The following LAMA2 variants were observed in gnomAD, a reference collection of about 807,000 sequenced individuals.
The protein encoded by LAMA2 is laminin subunit alpha 2.
A neutral mutation model predicts 364.8 loss-of-function variants in LAMA2; 269 were observed. The observed-to-expected ratio is 0.74, with a 90% CI of 0.67 to 0.82. The LOEUF (loss-of-function observed/expected upper bound fraction) is 0.82. LAMA2 is among the 40% of genes least tolerant of loss of function. The pLI is 0.00. For synonymous variants in LAMA2, 1,379 were observed against 1,370.6 expected (o/e 1.01, Z -0.14); for missense variants, 3,807 against 3,873.2 (o/e 0.98, Z 0.45).
At position 129,082,028 on chromosome 6, in the gene LAMA2, T is replaced by C. The variant is rs987982760; in HGVS notation, c.397-16145T>C. Among the ~76,000 whole-genome samples, 3 of 152,118 alleles carry C rather than the reference T, an allele frequency of 2.0e-5. No individual in the cohort carries two copies. The East Asian group carries it at 5.8e-4, about 29-fold the overall frequency. The stretch of plus-strand genomic sequence containing the variant: ...CAATCAAAATATTCCTAAAAACATA[T>C]TGAGAACTTTAACAAAACATTTTAC... On this transcript the variant is annotated intron_variant, in intron 3 of 64. Coordinates refer to ENST00000421865, the MANE Select transcript of LAMA2 (RefSeq NM_000426.4).
At chr6:129,010,730 A>G (rs1266210443) in intron 1 of LAMA2, among the ~76,000 whole-genome samples, 2 of 152,236 alleles carry the variant, frequency 1.3e-5, no homozygotes, top group Non-Finnish European at 2.9e-5. Flanking sequence ...ACTTTATACA[A>G]TCTATCACTC....
At chr6:129,311,310 A>T (rs1459924947) in intron 22 of LAMA2, among the ~76,000 whole-genome samples, 1 of 151,820 alleles carries the variant, frequency 6.6e-6, no homozygotes, top group Non-Finnish European at 1.5e-5. Flanking sequence ...TTTAATAGAG[A>T]CAGGGTTTCA....
intron 12 of LAMA2, among the ~76,000 whole-genome samples, chr6:129,205,143 A>C (rs900135604): frequency 1.3e-5 from 2 of 152,090 alleles, no homozygotes; most frequent in Non-Finnish European, 2.9e-5. Flanking sequence ...TAATCCCAGC[A>C]CTTTGGGAGG....
intron 40 of LAMA2, among the ~76,000 whole-genome samples, chr6:129,406,811 A>G (rs866988726): frequency 6.6e-6 from 1 of 152,174 alleles, no homozygotes; most frequent in East Asian, 1.9e-4. Context: ...GACCCACGCC[A>G]TCACAAGATG....
At chr6:129,252,384 A>G in intron 14 of LAMA2, 89 bp downstream of exon 14, 1 of 927,866 alleles carries the variant, frequency 1.1e-6, no homozygotes, top group Non-Finnish European at 1.7e-6. Flanking sequence ...TTTTTAAGGC[A>G]CCTAGGATTT....
At chr6:128,967,802 C>A (rs1483419845) in intron 1 of LAMA2, among the ~76,000 whole-genome samples, 1 of 152,080 alleles carries the variant, frequency 6.6e-6, no homozygotes, top group African/African-American at 2.4e-5. Context: ...CAGATTATTT[C>A]TATTAATTAC....
At chr6:129,315,005 A>C (rs896506236) in intron 24 of LAMA2, among the ~76,000 whole-genome samples, 1 of 152,196 alleles carries the variant, frequency 6.6e-6, no homozygotes, top group African/African-American at 2.4e-5. Flanking sequence ...TAGTTCACTT[A>C]TTGATAAGGA....
chr6:129,022,742 C>T (rs1016717233), intron 1 of LAMA2, among the ~76,000 whole-genome samples: 2 of 152,192 alleles, frequency 1.3e-5, no homozygotes, highest in Middle Eastern at 3.4e-3. Context: ...AGCTACAAAC[C>T]GCCGACACAA....
intron 12 of LAMA2, among the ~76,000 whole-genome samples, chr6:129,219,345 G>A (rs1783637983): frequency 6.6e-6 from 1 of 152,048 alleles, no homozygotes; most frequent in Non-Finnish European, 1.5e-5. Context: ...TGGAGAGGAT[G>A]TGGAGAAATA....
chr6:129,481,390 G>C lies in LAMA2; in HGVS notation c.7700G>C (p.Ser2567Thr), dbSNP rs1554305929. 2 of 1,613,976 alleles carry C rather than the reference G, an allele frequency of 1.2e-6. No homozygotes were observed. The highest frequency in any genetic ancestry group is 1.1e-5 in the South Asian group (1 of 91,082). ...GAGTCCGGCATCATTCTTTTGGGAAGTGGAGGGACACCAGCACCACCTAGG... is the reference window on the plus strand; with the variant it reads ...GAGTCCGGCATCATTCTTTTGGGAACTGGAGGGACACCAGCACCACCTAGG... ...KNESGIILLG[S>T]GGTPAPPRRK... The change falls in exon 55 of 65, where the codon AGT (serine) becomes ACT (threonine). Residue 2567 changes from serine (S) to threonine (T), a missense_variant. This residue lies in a region of LAMA2 where 3,333 missense variants were observed against 3,345.7 expected (regional missense o/e 1.00). Transcript: ENST00000421865.
At chr6:129,201,541 A>T (rs1782288374) in intron 12 of LAMA2, among the ~76,000 whole-genome samples, 1 of 152,362 alleles carries the variant, frequency 6.6e-6, no homozygotes, top group East Asian at 1.9e-4. Flanking sequence ...ATGTCTTCAT[A>T]AGAGGGACTA....
chr6:129,497,901 C>G (rs189907847), intron 58 of LAMA2, among the ~76,000 whole-genome samples: 2 of 152,282 alleles, frequency 1.3e-5, no homozygotes, highest in East Asian at 3.9e-4. Flanking sequence ...TTATACTTCT[C>G]TCTTATTCTT....
chr6:129,156,181 T>C (rs1317571595), intron 8 of LAMA2, among the ~76,000 whole-genome samples: 3 of 151,304 alleles, frequency 2.0e-5, no homozygotes, highest in Non-Finnish European at 1.5e-5. Flanking sequence ...AATATATATA[T>C]ACAATGATAT....
chr6:128,991,720 A>G (rs1417640820), intron 1 of LAMA2, among the ~76,000 whole-genome samples: 1 of 152,220 alleles, frequency 6.6e-6, no homozygotes, highest in Non-Finnish European at 1.5e-5. Flanking sequence ...TGAGAATAGA[A>G]TTATATGTCT....
At chr6:128,893,422 G>A (rs1033233264) in intron 1 of LAMA2, among the ~76,000 whole-genome samples, 1 of 151,422 alleles carries the variant, frequency 6.6e-6, no homozygotes, top group Non-Finnish European at 1.5e-5. Context: ...ATACATATAT[G>A]TATTAATAAT....
chr6:129,394,450 G>A (rs546108532), intron 37 of LAMA2, among the ~76,000 whole-genome samples: 2 of 151,904 alleles, frequency 1.3e-5, no homozygotes, highest in Admixed American at 6.6e-5. Flanking sequence ...TTTTATTTCC[G>A]TGTCCCTCTT....
chr6:129,192,850 CA>C lies in LAMA2; in HGVS notation c.1782del (p.Lys594AsnfsTer5). 6 of 1,613,874 alleles carry C rather than the reference CA, an allele frequency of 3.7e-6. No homozygotes were observed. The highest frequency in any genetic ancestry group is 5.1e-6 in the Non-Finnish European group (6 of 1,179,828). ...GCGCGCCGGCTCCCTATCTGGGAAA[CA>C]AAGTAAGTCCACGCTTGCTTCCCGC... ...WSAPAPYLGNKLPAVGGQLTF... is the reference protein window; with the variant it reads ...WSAPAPYLGNXLPAVGGQLTF... On this transcript the variant is annotated frameshift_variant and splice_region_variant, in exon 12 of 65. Transcript: ENST00000421865. LOFTEE classifies it high-confidence loss of function.
chr6:129,452,731 G>A (rs901395095), intron 45 of LAMA2, among the ~76,000 whole-genome samples: 1 of 152,198 alleles, frequency 6.6e-6, no homozygotes, highest in East Asian at 1.9e-4. Flanking sequence ...TTTGTTAGTT[G>A]CATGCTTCAA....
chr6:129,440,953 A>G lies in LAMA2; in HGVS notation c.6223A>G (p.Ser2075Gly). The change falls in exon 43 of 65, where the codon AGC becomes GGC. Residue 2075 changes from serine to glycine, a missense_variant. Ser to Gly is a moderately conservative substitution (Grantham distance 56). Transcript: ENST00000421865. ...GAAGAATTACAATAAACTAGCAGACAGCGTCGCCAAAACGAATGCTGTGGT... is the reference window on the plus strand; with the variant it reads ...GAAGAATTACAATAAACTAGCAGACGGCGTCGCCAAAACGAATGCTGTGGT... ...LKKNYNKLADSVAKTNAVVKD... is the reference protein window; with the variant it reads ...LKKNYNKLADGVAKTNAVVKD... 1 of 1,613,986 alleles carries G rather than the reference A, an allele frequency of 6.2e-7. No individual in the cohort carries two copies.
Sources: allele counts gnomAD v4.1 joint callset (sites outside exome capture counted in the v4.1 genomes callset), GRCh38; gene constraint gnomAD v4.1.1; regional missense constraint gnomAD v4.1.1; transcripts MANE v1.5; gene names NCBI Gene and HGNC (gene_info 2026-07-23, HGNC 2026-07-21).